NDUFA11: variants seen among roughly 807,000 people sequenced by gnomAD.
NDUFA11 encodes NADH:ubiquinone oxidoreductase subunit A11.
Under a neutral mutation model 11.3 loss-of-function variants are expected in NDUFA11, and 14 were observed. The observed-to-expected ratio is 1.24, with a 90% CI of 0.82 to 1.94. The LOEUF (loss-of-function observed/expected upper bound fraction) is 1.94, where lower values mean the gene tolerates loss of function less well. Among genes scored for constraint, NDUFA11 ranks in the 30% most tolerant of loss-of-function variants. NDUFA11 has a pLI of 0.00. For missense variants in NDUFA11, 204 were observed against 200.3 expected (o/e 1.02, Z -0.11); for synonymous variants, 87 against 85.6 (o/e 1.02, Z -0.09).
At chr19:5,893,014 T>A, downstream of NDUFA11, 1 of 1,533,896 alleles carries the variant, frequency 6.5e-7, no homozygotes. The surrounding 1 kb of genome is among the most constrained non-coding windows in gnomAD (Gnocchi z 4.1). Flanking sequence ...GGGGTGGGTG[T>A]GTCCGCCCTT....
At chr19:5,902,874 G>A (rs1028589935) in intron 1 of NDUFA11, among the ~76,000 whole-genome samples, 13 of 152,084 alleles carry the variant, frequency 8.5e-5, no homozygotes, top group Admixed American at 2.0e-4. Context: ...AGCCAGGCGC[G>A]GTGGCGTGAG....
At chr19:5,895,038 G>A (rs2057599063) in intron 3 of NDUFA11, 184 bp from the exon 4 acceptor site, 2 of 713,302 alleles carry the variant, frequency 2.8e-6, no homozygotes, top group Non-Finnish European at 4.5e-6. Context: ...GATGCACAGA[G>A]GGAGGCCGGA....
At chr19:5,900,984 G>A (rs896174493) in intron 1 of NDUFA11, among the ~76,000 whole-genome samples, 1 of 151,702 alleles carries the variant, frequency 6.6e-6, no homozygotes, top group Admixed American at 6.6e-5. Flanking sequence ...AAGACCCCGG[G>A]GCACCCTTGG....
downstream of NDUFA11, among the ~76,000 whole-genome samples, chr19:5,894,032 C>A (rs2057592518): frequency 6.6e-6 from 1 of 152,206 alleles, no homozygotes; most frequent in East Asian, 1.9e-4. Context: ...GGAGAAGGGG[C>A]CCGGGGTGGT....
At chr19:5,901,497 T>G (rs2057645142) in intron 1 of NDUFA11, 1 of 1,271,186 alleles carries the variant, frequency 7.9e-7, no homozygotes, top group Non-Finnish European at 1.0e-6. Flanking sequence ...TTACTATTAA[T>G]AAATATGCAA....
Position 5,894,824 on chromosome 19 carries a change from C to T in NDUFA11, c.344G>A (p.Cys115Tyr). Reference sequence around the variant, plus strand: ...GGAGGCCGCTATGCCAAAGTACACGCAGGCGGCGGCGCCAATCCCGTAGTT... The same window carrying T: ...GGAGGCCGCTATGCCAAAGTACACGTAGGCGGCGGCGCCAATCCCGTAGTT... Reference protein sequence around the residue: ...THNYGIGAAACVYFGIAASLV... With the variant: ...THNYGIGAAAYVYFGIAASLV... Residue 115 changes from cysteine to tyrosine, a missense_variant, in exon 4 of 4, where the codon TGC (cysteine) becomes TAC (tyrosine). By Grantham distance (194) the Cys-to-Tyr change is radical (BLOSUM62 -2). Transcript: ENST00000308961. 2 of 1,612,354 alleles carry T rather than the reference C, an allele frequency of 1.2e-6. No homozygotes were observed. The highest frequency in any genetic ancestry group is 1.3e-5 in the African/African-American group (1 of 75,024).
chr19:5,896,258 A>C lies in NDUFA11; in HGVS notation c.313+195T>G. On this transcript the variant is annotated intron_variant, in intron 3 of 3. Transcript: ENST00000308961. This position sits in a 1 kb window ranked among gnomAD's most constrained non-coding sequence, Gnocchi z 5.8. ...GAGGAGGGGAGGGTGGGGAGGGGACAGGGCAGGTCAGGGAGGGCCACAGTA... is the reference window on the plus strand; with the variant it reads ...GAGGAGGGGAGGGTGGGGAGGGGACCGGGCAGGTCAGGGAGGGCCACAGTA... The C allele has an allele frequency of 1.6e-6, 1 of 626,806 alleles. No individual in the cohort carries two copies. Among genetic ancestry groups the C allele is most frequent in the Non-Finnish European group, 2.8e-6 (1 of 358,774 alleles). 38.8% of individuals were successfully genotyped at this position (626,806 alleles called of 1,614,324 possible).
At chr19:5,895,749 T>C (rs1050620808) in intron 3 of NDUFA11, 4 of 153,410 alleles carry the variant, frequency 2.6e-5, no homozygotes, top group African/African-American at 9.7e-5. Context: ...AGGAGTGATG[T>C]CTGGCTCATG....
intron 1 of NDUFA11, 93 bp downstream of exon 1, chr19:5,903,519 C>G (rs908762766): frequency 8.0e-7 from 1 of 1,250,790 alleles, no homozygotes; most frequent in Non-Finnish European, 1.1e-6. Flanking sequence ...ACCCGCGAGA[C>G]TCCCAGACCC....
chr19:5,896,951 G>A lies in NDUFA11; in HGVS notation c.144C>T (p.Thr48=). 2 of 1,614,116 alleles carry A rather than the reference G, an allele frequency of 1.2e-6. No homozygotes were observed. The highest frequency in any genetic ancestry group is 1.7e-6 in the Non-Finnish European group (2 of 1,180,032). Residue 48 remains threonine (T), a synonymous_variant, in exon 2 of 4, where the codon ACC becomes ACT. Coordinates refer to ENST00000308961, the MANE Select transcript of NDUFA11 (RefSeq NM_175614.5). This position sits in a 1 kb window ranked among gnomAD's most constrained non-coding sequence, Gnocchi z 5.8. ...AYRVTLNPPG[T]FLEGVAKVGQ... ...CAACCTTAGCCACTCCTTCAAGGAA[G>A]GTGCCCGGAGGATTGAGTGTGACTC...
chr19:5,899,295 G>A (rs1478523835), intron 1 of NDUFA11, among the ~76,000 whole-genome samples: 3 of 151,156 alleles, frequency 2.0e-5, no homozygotes, highest in Non-Finnish European at 4.4e-5. Flanking sequence ...GACTACAGGC[G>A]CCCGCCACCA....
At chr19:5,892,581 A>C (rs2144943561), downstream of NDUFA11, 5 of 214,268 alleles carry the variant, frequency 2.3e-5, no homozygotes, top group Non-Finnish European at 2.8e-5. Flanking sequence ...ATGGGAAGGA[A>C]GGGGGATGAG....
intron 3 of NDUFA11, chr19:5,895,655 C>T (rs2057603301): frequency 6.5e-6 from 1 of 153,076 alleles, no homozygotes; most frequent in African/African-American, 2.4e-5. Context: ...TCCCGCTGGC[C>T]CTGAGGGCCC....
downstream of NDUFA11, chr19:5,892,614 G>A (rs1441584461): frequency 6.3e-5 from 18 of 285,914 alleles, no homozygotes; most frequent in East Asian, 1.0e-3. Flanking sequence ...CCTGGAGTGC[G>A]GAGGAAGGGA....
chr19:5,898,692 G>C (rs2057625449), intron 1 of NDUFA11, among the ~76,000 whole-genome samples: 1 of 151,964 alleles, frequency 6.6e-6, no homozygotes, highest in African/African-American at 2.4e-5. Flanking sequence ...TGACCGACAT[G>C]GTGAAATCCC....
chr19:5,893,093 C>T, downstream of NDUFA11: 2 of 1,536,110 alleles, frequency 1.3e-6, no homozygotes, highest in Non-Finnish European at 1.7e-6. This position sits in a 1 kb window ranked among gnomAD's most constrained non-coding sequence, Gnocchi z 4.1. Flanking sequence ...TTGCATGCCC[C>T]CCTTGTGCTG....
chr19:5,901,822 A>G (rs573563220), intron 1 of NDUFA11, among the ~76,000 whole-genome samples: 1 of 151,788 alleles, frequency 6.6e-6, no homozygotes, highest in Non-Finnish European at 1.5e-5. Context: ...GGTGTCCACC[A>G]CCACGCCCGG....
At chr19:5,892,556 C>A (rs1406057150), downstream of NDUFA11, 1 of 192,398 alleles carries the variant, frequency 5.2e-6, no homozygotes, top group East Asian at 1.3e-4. Context: ...TTCCCGGCTG[C>A]GGTGGGCAGG....
downstream of NDUFA11, chr19:5,893,321 T>C: frequency 1.1e-6 from 1 of 915,156 alleles, no homozygotes; most frequent in Non-Finnish European, 1.7e-6. The surrounding 1 kb of genome is among the most constrained non-coding windows in gnomAD (Gnocchi z 4.1). Context: ...AACAATTAGC[T>C]GGCTGTAGTG....
Sources: allele counts gnomAD v4.1 joint callset (sites outside exome capture counted in the v4.1 genomes callset), GRCh38; gene constraint gnomAD v4.1.1; non-coding constraint Gnocchi (gnomAD v3.1); transcripts MANE v1.5; gene names NCBI Gene and HGNC (gene_info 2026-07-23, HGNC 2026-07-21).